RAB20: variants seen among roughly 807,000 people sequenced by gnomAD.
RAB20 encodes ras-related protein Rab-20.
Under a neutral mutation model 3.7 loss-of-function variants are expected in RAB20, and 2 were observed. That is an observed-to-expected ratio of 0.54 (90% CI 0.22 to 1.69). The LOEUF (loss-of-function observed/expected upper bound fraction) is 1.69. Ranked by LOEUF, RAB20 falls within the 40% of genes most tolerant of loss-of-function variation. The pLI is 0.19. For missense variants in RAB20, 276 were observed against 311.9 expected, an observed-to-expected ratio of 0.88 and a Z score of 0.87; for synonymous variants, 126 against 130.8, an observed-to-expected ratio of 0.96 and a Z score of 0.25.
chr13:110,544,567 A>C lies in RAB20; in HGVS notation c.172+16781T>G, dbSNP rs1215902838. Among the ~76,000 whole-genome samples, 3 of 152,240 alleles carry C rather than the reference A, an allele frequency of 2.0e-5. No homozygotes were observed. In the East Asian group the frequency reaches 5.8e-4, roughly 29 times the overall value. ...ATCATGACTCTAATACAGATGTAAA[A>C]ATAAAGACACGTTAAACTCATGCAA... is the stretch of plus-strand genomic sequence containing the variant. On this transcript the variant is annotated intron_variant, in intron 1 of 1. Coordinates refer to ENST00000267328, the MANE Select transcript of RAB20 (RefSeq NM_017817.3).
At chr13:110,524,368 C>T (rs1243002426) in intron 1 of RAB20, among the ~76,000 whole-genome samples, 171 bp from the exon 2 acceptor site, 1 of 152,190 alleles carries the variant, frequency 6.6e-6, no homozygotes, top group East Asian at 1.9e-4. Context: ...GGCACCATCC[C>T]CAAAGCAGGC....
At chr13:110,558,946 T>G (rs538266828) in intron 1 of RAB20, among the ~76,000 whole-genome samples, 1 of 152,058 alleles carries the variant, frequency 6.6e-6, no homozygotes, top group South Asian at 2.1e-4. Flanking sequence ...TCCACCCACC[T>G]CAGCCTCCCA....
Position 110,561,368 on chromosome 13 carries a change from A to C in RAB20, c.152T>G (p.Ile51Ser), listed in dbSNP as rs1555336839. 1 of 1,606,582 alleles carries C rather than the reference A, an allele frequency of 6.2e-7. No individual in the cohort carries two copies. The highest frequency in any genetic ancestry group is 1.1e-5 in the South Asian group (1 of 90,672). The change falls in exon 1 of 2, where the codon ATC becomes AGC. Residue 51 changes from isoleucine (I) to serine (S), a missense_variant. Ile to Ser is a moderately radical substitution (Grantham distance 142). Transcript: ENST00000267328. ...FYLKQWRSYNISIWDTAGREQ... is the reference protein window; with the variant it reads ...FYLKQWRSYNSSIWDTAGREQ... ...CTCACCTGCGGTGTCCCAGATGGAGATGTTGTAGGAGCGCCACTGCTTCAG... is the reference window on the plus strand; with the variant it reads ...CTCACCTGCGGTGTCCCAGATGGAGCTGTTGTAGGAGCGCCACTGCTTCAG...
At chr13:110,549,085 A>G (rs1351164172) in intron 1 of RAB20, among the ~76,000 whole-genome samples, 5 of 152,192 alleles carry the variant, frequency 3.3e-5, no homozygotes, top group Non-Finnish European at 7.3e-5. Context: ...TAGCTGAGCT[A>G]TTTCAGAGGC....
intron 1 of RAB20, among the ~76,000 whole-genome samples, chr13:110,526,019 G>A (rs2139572881): frequency 1.3e-5 from 2 of 152,348 alleles, no homozygotes; most frequent in Middle Eastern, 3.4e-3. Context: ...GCACGCTTTC[G>A]AAGAGGAATG....
At chr13:110,536,957 A>G (rs1221729951) in intron 1 of RAB20, among the ~76,000 whole-genome samples, 1 of 90,766 alleles carries the variant, frequency 1.1e-5, no homozygotes, top group Admixed American at 1.8e-4. Context: ...AGGCCCCGCT[A>G]TGTGATGTTC....
At chr13:110,557,124 C>G (rs1885052596) in intron 1 of RAB20, among the ~76,000 whole-genome samples, 1 of 152,072 alleles carries the variant, frequency 6.6e-6, no homozygotes, top group African/African-American at 2.4e-5. Context: ...CCAGAAGGAG[C>G]CAATTACAGG....
chr13:110,531,794 T>C (rs1884545486), intron 1 of RAB20, among the ~76,000 whole-genome samples: 1 of 152,194 alleles, frequency 6.6e-6, no homozygotes, highest in African/African-American at 2.4e-5. Flanking sequence ...ATCTTCTACG[T>C]TTCTTATTCT....
At chr13:110,535,511 C>T (rs1884624420) in intron 1 of RAB20, among the ~76,000 whole-genome samples, 1 of 152,210 alleles carries the variant, frequency 6.6e-6, no homozygotes, top group African/African-American at 2.4e-5. Context: ...TCTCTGTTTT[C>T]CATTTTCGCA....
chr13:110,560,242 T>C (rs1296636454), intron 1 of RAB20, among the ~76,000 whole-genome samples: 2 of 152,128 alleles, frequency 1.3e-5, no homozygotes, highest in Admixed American at 6.5e-5. Flanking sequence ...CTGGGGGACA[T>C]TGTTTTCACA....
intron 1 of RAB20, among the ~76,000 whole-genome samples, chr13:110,533,885 C>A (rs1255931968): frequency 1.3e-5 from 2 of 152,218 alleles, no homozygotes; most frequent in African/African-American, 4.8e-5. Flanking sequence ...GACACACCTG[C>A]CCCCACCAGT....
chr13:110,525,325 A>G (rs2479429), intron 1 of RAB20, among the ~76,000 whole-genome samples: 108,772 of 152,196 alleles, frequency 0.71, 38,976 homozygotes, highest in Middle Eastern at 0.74. Flanking sequence ...AAAGGTCCCC[A>G]GCTCTGTGTA....
In RAB20 at chr13:110,561,253, A is replaced by G. The variant is rs573919517; in HGVS notation, c.172+95T>C. 5 of 1,403,166 alleles carry G rather than the reference A, an allele frequency of 3.6e-6. No individual in the cohort carries two copies. The East Asian group carries it at 1.4e-4, about 40-fold the overall frequency. The allele number at this position is 1,403,166 out of a possible 1,614,324, so 86.9% of individuals were successfully genotyped here. A position where few individuals can be genotyped will look rare whatever the true frequency, so the allele number is the denominator to read the frequency against. On this transcript the variant is annotated intron_variant, in intron 1 of 1. Coordinates refer to ENST00000267328, the MANE Select transcript of RAB20 (RefSeq NM_017817.3). ...GAGGCATTTGCTGTCCGAGGCCGGGACCCTGTGCGCGGCCGGGTGCCCTGC... is the reference window on the plus strand; with the variant it reads ...GAGGCATTTGCTGTCCGAGGCCGGGGCCCTGTGCGCGGCCGGGTGCCCTGC...
chr13:110,554,320 T>C (rs938051507), intron 1 of RAB20, among the ~76,000 whole-genome samples: 1 of 152,020 alleles, frequency 6.6e-6, no homozygotes, highest in Admixed American at 6.6e-5. Context: ...ATCATCACAA[T>C]TCCAACCTGA....
chr13:110,528,762 G>T (rs1884476559), intron 1 of RAB20, among the ~76,000 whole-genome samples: 1 of 151,982 alleles, frequency 6.6e-6, no homozygotes, highest in African/African-American at 2.4e-5. Context: ...AACTAAAAAA[G>T]GAAATAATAA....
chr13:110,544,257 C>G (rs1884815634), intron 1 of RAB20, among the ~76,000 whole-genome samples: 1 of 152,172 alleles, frequency 6.6e-6, no homozygotes, highest in Non-Finnish European at 1.5e-5. Flanking sequence ...GTCAATGTGT[C>G]TGTTTTCATG....
Position 110,561,530 on chromosome 13 carries a change from G to A in RAB20, c.-11C>T. 6.4e-7 allele frequency: 1 copy of A among 1,556,366 alleles called. No individual in the cohort carries two copies. The highest frequency in any genetic ancestry group is 1.2e-5 in the South Asian group (1 of 84,328). ...GTCGGGCTTCCTCATCTTCCCGTAA[G>A]AACCCCCAGCGCCCCCGCGCCCTCT... On this transcript the variant is annotated 5_prime_UTR_variant, in exon 1 of 2. Transcript: ENST00000267328.
At position 110,561,660 on chromosome 13, in the gene RAB20, G is replaced by C; in HGVS notation, c.-141C>G. On this transcript the variant is annotated 5_prime_UTR_variant, in exon 1 of 2. Coordinates refer to ENST00000267328, the MANE Select transcript of RAB20 (RefSeq NM_017817.3). The stretch of plus-strand genomic sequence containing the variant: ...GAACGCTCCGGGACCTTCGCCTCCG[G>C]ACGCCCGGGAGCTCAAGAGAGGAAG... The C allele has an allele frequency of 7.3e-7, 1 of 1,366,114 alleles. No individual in the cohort carries two copies. Among genetic ancestry groups the C allele is most frequent in the Non-Finnish European group, 9.5e-7 (1 of 1,049,984 alleles). The allele number at this position is 1,366,114 out of a possible 1,614,324, so 84.6% of individuals were successfully genotyped here. A position where few individuals can be genotyped will look rare whatever the true frequency, so the allele number is the denominator to read the frequency against.
intron 1 of RAB20, among the ~76,000 whole-genome samples, chr13:110,548,329 C>A (rs1302997246): frequency 6.6e-6 from 1 of 151,852 alleles, no homozygotes; most frequent in Non-Finnish European, 1.5e-5. Flanking sequence ...ACAAAAAATA[C>A]AAAAATTAGC....
Sources: allele counts gnomAD v4.1 joint callset (sites outside exome capture counted in the v4.1 genomes callset), GRCh38; gene constraint gnomAD v4.1.1; transcripts MANE v1.5; gene names NCBI Gene and HGNC (gene_info 2026-07-23, HGNC 2026-07-21).